The following LARP7 variants were observed in gnomAD, a reference collection of about 807,000 sequenced individuals.
LARP7 encodes the protein La ribonucleoprotein 7, transcriptional regulator, also known as la-related protein 7.
In LARP7, 52 loss-of-function variants were observed where a neutral mutation model predicts 69.3. The observed-to-expected ratio is 0.75, with a 90% CI of 0.60 to 0.95. LARP7 has a LOEUF of 0.95. Among genes scored for constraint, LARP7 ranks in the 40% least tolerant of loss-of-function variants. LARP7 has a pLI of 0.00. For missense variants in LARP7, 733 were observed against 673.0 expected, an observed-to-expected ratio of 1.09 and a Z score of -0.99; for synonymous variants, 254 against 215.9, an observed-to-expected ratio of 1.18 and a Z score of -1.55.
chr4:112,654,728 C>T (rs909122492), intron 12 of LARP7: 1 of 152,166 alleles, frequency 6.6e-6, no homozygotes, highest in African/African-American at 2.4e-5. Flanking sequence ...CTGGGAATAG[C>T]CACTGCTTTC....
chr4:112,642,089 C>G (rs991015703), intron 1 of LARP7, among the ~76,000 whole-genome samples: 5 of 152,122 alleles, frequency 3.3e-5, no homozygotes, highest in African/African-American at 1.2e-4. Context: ...CGTTTGGAAG[C>G]TATATGAAGA....
At position 112,647,210 on chromosome 4, in the gene LARP7, AAG is replaced by A; in HGVS notation, c.660_661del (p.Lys222GlufsTer28). ...TGGCACTTTTACAGAAGAGAAGAAA[AAG>A]AAAAAGAAGAAGAAAGGCCGAATGA... ...PALRVVEEKK[K>X]KKKKKGRMKK... On this transcript the variant is annotated frameshift_variant, in exon 7 of 13. Transcript: ENST00000344442. LOFTEE classifies it high-confidence loss of function. The A allele has an allele frequency of 6.3e-7, 1 of 1,588,892 alleles. No homozygotes were observed. Among genetic ancestry groups the A allele is most frequent in the Non-Finnish European group, 8.5e-7 (1 of 1,173,180 alleles).
intron 10 of LARP7, among the ~76,000 whole-genome samples, chr4:112,651,159 ATCCTT>A (rs1289720281): frequency 6.6e-6 from 1 of 152,190 alleles, no homozygotes; most frequent in Non-Finnish European, 1.5e-5. Flanking sequence ...ATTTAAGTGA[ATCCTT>A]TTCTTTTTAA....
chr4:112,647,380 G>GA lies in LARP7; in HGVS notation c.834dup (p.Arg279ThrfsTer5), dbSNP rs763929099. 51 of 1,613,702 alleles carry GA rather than the reference G, an allele frequency of 3.2e-5. No individual in the cohort carries two copies. The highest frequency in any genetic ancestry group is 4.1e-5 in the Non-Finnish European group (48 of 1,179,882). On this transcript the variant is annotated frameshift_variant, in exon 7 of 13. Coordinates refer to ENST00000344442, the MANE Select transcript of LARP7 (RefSeq NM_016648.4). LOFTEE classifies it high-confidence loss of function. The stretch of plus-strand genomic sequence containing the variant: ...CCCAAAAGCAGTGCTCAAAGAAAAA[G>GA]AAAAAACGGGACAGAGTTGAAGCAT...
In LARP7 at chr4:112,647,135, T is replaced by G; in HGVS notation, c.646+8T>G. ...CAGCCTTAAGAGTTGTGGGTGAGTA[T>G]TTTTCAATATTTAAATAGGTGTAGT... is the stretch of plus-strand genomic sequence containing the variant. On this transcript the variant is annotated splice_region_variant and intron_variant, in intron 6 of 12. Transcript: ENST00000344442. 1 of 1,601,208 alleles carries G rather than the reference T, an allele frequency of 6.2e-7. No individual in the cohort carries two copies.
At chr4:112,652,167 C>G (rs534314714) in intron 10 of LARP7, among the ~76,000 whole-genome samples, 1 of 151,602 alleles carries the variant, frequency 6.6e-6, no homozygotes, top group African/African-American at 2.4e-5. Flanking sequence ...TGAAATAATA[C>G]TTCCAGGTAT....
At position 112,649,580 on chromosome 4, in the gene LARP7, A is replaced by G; in HGVS notation, c.1188A>G (p.Lys396=). Reference sequence around the variant, plus strand: ...AAAAAGAGTATTTAGCGCTACAAAAAGCTAGCATGGCTTCTTTAAAAAAAA... The same window carrying G: ...AAAAAGAGTATTTAGCGCTACAAAAGGCTAGCATGGCTTCTTTAAAAAAAA... ...DLKKEYLALQ[K]ASMASLKKTI... The change falls in exon 9 of 13, where the codon AAA becomes AAG. Residue 396 remains lysine (K), a synonymous_variant. Transcript: ENST00000344442. 6.2e-7 allele frequency: 1 copy of G among 1,607,710 alleles called. No individual in the cohort carries two copies. The highest frequency in any genetic ancestry group is 8.5e-7 in the Non-Finnish European group (1 of 1,176,808).
chr4:112,645,809 T>C (rs867119596), intron 2 of LARP7: 27 of 341,462 alleles, frequency 7.9e-5, no homozygotes, highest in African/African-American at 4.7e-4. Context: ...TGAGCCACCA[T>C]CCCCAGTTGC....
Position 112,647,921 on chromosome 4 carries a change from G to A in LARP7, c.1142+87G>A, listed in dbSNP as rs768183847. 4 of 988,926 alleles carry A rather than the reference G, an allele frequency of 4.0e-6. No homozygotes were observed. In the African/African-American group the frequency reaches 6.4e-5, roughly 16 times the overall value. The allele number at this position is 988,926 out of a possible 1,614,324, so 61.3% of individuals were successfully genotyped here. On this transcript the variant is annotated intron_variant, in intron 8 of 12. Coordinates refer to ENST00000344442, the MANE Select transcript of LARP7 (RefSeq NM_016648.4). ...ATTCCAATTTATATTCAACAGAGTTGCATATTAGCAACAGTAATGGCCTGT... is the reference window on the plus strand; with the variant it reads ...ATTCCAATTTATATTCAACAGAGTTACATATTAGCAACAGTAATGGCCTGT...
At chr4:112,643,702 G>A (rs1224004594) in intron 1 of LARP7, among the ~76,000 whole-genome samples, 1 of 152,064 alleles carries the variant, frequency 6.6e-6, no homozygotes, top group East Asian at 1.9e-4. Context: ...ACAAAAATTA[G>A]CCGGGTGTGA....
At position 112,644,580 on chromosome 4, in the gene LARP7, TCAGA is replaced by T. The variant is rs1270977929; in HGVS notation, c.-2-84_-2-81del. ...GGCCAAATGTGAGTCCATTATTCTC[TCAGA>T]CAGTTAAAGGCTAATCTAAATATTT... On this transcript the variant is annotated intron_variant, in intron 1 of 12. Transcript: ENST00000344442. 6.3e-6 allele frequency: 7 copies of T among 1,108,960 alleles called. No individual in the cohort carries two copies. In the African/African-American group the frequency reaches 8.1e-5, roughly 13 times the overall value. The allele number at this position is 1,108,960 out of a possible 1,614,324, so 68.7% of individuals were successfully genotyped here.
At position 112,654,423 on chromosome 4, in the gene LARP7, G is replaced by T. The variant is rs536493590; in HGVS notation, c.1668+264G>T. ...ACCAGTGATATACTTTAACAGTCTT[G>T]ATATCTGGCTGCTATGTCTTGTAGT... On this transcript the variant is annotated intron_variant, in intron 12 of 12. Transcript: ENST00000344442. The T allele has an allele frequency of 3.8e-5, 11 of 291,028 alleles. No homozygotes were observed. The South Asian group carries it at 6.6e-4, about 17-fold the overall frequency. The allele number at this position is 291,028 out of a possible 1,614,324, so 18.0% of individuals were successfully genotyped here.
In LARP7 at chr4:112,647,556, C is replaced by A. The variant is rs2048363052; in HGVS notation, c.997+7C>A. ...GCTTCCAAGGAAAATAGAGGTAAAA[C>A]TACAAGGTTTTAATTAGATAAAACT... On this transcript the variant is annotated splice_region_variant and intron_variant, in intron 7 of 12. Transcript: ENST00000344442. The A allele has an allele frequency of 6.3e-7, 1 of 1,576,664 alleles. No individual in the cohort carries two copies. The highest frequency in any genetic ancestry group is 8.6e-7 in the Non-Finnish European group (1 of 1,163,952).
chr4:112,652,296 C>G lies in LARP7; in HGVS notation c.1417-781C>G, dbSNP rs539342510. On this transcript the variant is annotated intron_variant, in intron 10 of 12. Transcript: ENST00000344442. ...GGGAGGCAAGATAAATAAGATTTCC[C>G]CCCCCCCCCCATTTAGCAATCTCCA... 1.3e-3 allele frequency among the ~76,000 whole-genome samples: 158 copies of G among 123,480 alleles called. 2 individuals are homozygous for G. Among genetic ancestry groups the G allele is most frequent in the Non-Finnish European group, 1.4e-3 (87 of 60,994 alleles). 81.0% of individuals were successfully genotyped at this position (123,480 alleles called of 152,430 possible). A position where few individuals can be genotyped will look rare whatever the true frequency, so the allele number is the denominator to read the frequency against.
intron 1 of LARP7, among the ~76,000 whole-genome samples, chr4:112,638,251 G>T (rs1306485960): frequency 2.0e-5 from 3 of 151,542 alleles, no homozygotes; most frequent in Non-Finnish European, 4.4e-5. Flanking sequence ...AGCCGGGATC[G>T]CGCCACTGCA....
At position 112,646,378 on chromosome 4, in the gene LARP7, T is replaced by A; in HGVS notation, c.230T>A (p.Phe77Tyr). ...GTTGATATATCACTACTTGTGTCTT[T>A]TAACAAAATGAAAAAATTGACTACT... ...GYVDISLLVS[F>Y]NKMKKLTTDG... is the part of the protein sequence containing the mutation. Residue 77 changes from phenylalanine (F) to tyrosine (Y), a missense_variant, in exon 3 of 13, where the codon TTT (phenylalanine) becomes TAT (tyrosine). By Grantham distance (22) the Phe-to-Tyr change is conservative. Coordinates refer to ENST00000344442, the MANE Select transcript of LARP7 (RefSeq NM_016648.4). 1.3e-6 allele frequency: 2 copies of A among 1,584,588 alleles called. No individual in the cohort carries two copies. Among genetic ancestry groups the A allele is most frequent in the Non-Finnish European group, 1.7e-6 (2 of 1,155,052 alleles).
chr4:112,651,753 A>G (rs554229795), intron 10 of LARP7, among the ~76,000 whole-genome samples: 47 of 152,228 alleles, frequency 3.1e-4, no homozygotes, highest in African/African-American at 1.1e-3. Context: ...TTGTCATTCT[A>G]TGGGTTTTAA....
chr4:112,652,016 G>C (rs1410056834), intron 10 of LARP7, among the ~76,000 whole-genome samples: 1 of 150,158 alleles, frequency 6.7e-6, no homozygotes, highest in African/African-American at 2.4e-5. Flanking sequence ...TTTTTAATTT[G>C]GCAAACAGTT....
chr4:112,638,487 G>T (rs531528814), intron 1 of LARP7, among the ~76,000 whole-genome samples: 2 of 152,302 alleles, frequency 1.3e-5, no homozygotes, highest in African/African-American at 4.8e-5. Flanking sequence ...GTCCAGTAAA[G>T]ATGCAATTAA....
Sources: allele counts gnomAD v4.1 joint callset (sites outside exome capture counted in the v4.1 genomes callset), GRCh38; gene constraint gnomAD v4.1.1; transcripts MANE v1.5; gene names NCBI Gene and HGNC (gene_info 2026-07-23, HGNC 2026-07-21).